EIF2B3: variants seen among roughly 807,000 people sequenced by gnomAD.
The protein encoded by EIF2B3 is translation initiation factor eIF2B subunit gamma.
A neutral mutation model predicts 54.1 loss-of-function variants in EIF2B3; 20 were observed. The ratio of observed to expected loss-of-function variants is 0.37; its 90% CI spans 0.26 to 0.54. The LOEUF is 0.54. Ranked by LOEUF, EIF2B3 falls within the 20% of genes least tolerant of loss-of-function variation. The pLI is 0.86. For missense variants in EIF2B3, 448 were observed against 547.8 expected (o/e 0.82, Z 1.82); for synonymous variants, 153 against 188.1 (o/e 0.81, Z 1.52).
At chr1:44,874,496 G>A in intron 10 of EIF2B3, 182 bp downstream of exon 10, 1 of 654,902 alleles carries the variant, frequency 1.5e-6, no homozygotes, top group Non-Finnish European at 2.5e-6. Flanking sequence ...CCATTTTAGA[G>A]GAATAAATTT....
intron 3 of EIF2B3, among the ~76,000 whole-genome samples, chr1:44,952,404 T>C (rs1256610735): frequency 6.6e-6 from 1 of 152,030 alleles, no homozygotes; most frequent in Non-Finnish European, 1.5e-5. Context: ...CTGGCCCTAC[T>C]GACTCTTAAC....
chr1:44,940,947 C>CCAGGCTGGTCTCAAACTCCTGACCTT, intron 4 of EIF2B3, among the ~76,000 whole-genome samples: 1 of 151,180 alleles, frequency 6.6e-6, no homozygotes, highest in Non-Finnish European at 1.5e-5. Flanking sequence ...AGTGCAGTGG[C>CCAGGCTGGTCTCAAACTCCTGACCTT]GTGATCTCGG....
intron 3 of EIF2B3, among the ~76,000 whole-genome samples, chr1:44,946,916 T>C (rs1454787888): frequency 6.6e-6 from 1 of 152,218 alleles, no homozygotes; most frequent in Non-Finnish European, 1.5e-5. Flanking sequence ...GAAGTATTTT[T>C]GATCATGTGT....
chr1:44,889,100 T>C (rs910090742), intron 6 of EIF2B3, among the ~76,000 whole-genome samples: 1 of 152,216 alleles, frequency 6.6e-6, no homozygotes, highest in Non-Finnish European at 1.5e-5. Context: ...TTACTGTTAG[T>C]TGATTATCTT....
intron 5 of EIF2B3, among the ~76,000 whole-genome samples, chr1:44,904,285 C>A (rs1643371299): frequency 6.6e-6 from 1 of 152,164 alleles, no homozygotes; most frequent in Non-Finnish European, 1.5e-5. Context: ...ACAGGCTTCT[C>A]TTTGCATGAA....
chr1:44,976,223 G>A (rs764672468), intron 3 of EIF2B3, among the ~76,000 whole-genome samples: 35 of 152,074 alleles, frequency 2.3e-4, no homozygotes, highest in Non-Finnish European at 4.1e-4. Flanking sequence ...ACTTGCATCT[G>A]GACTATATTA....
At chr1:44,932,140 C>A (rs897947582) in intron 4 of EIF2B3, among the ~76,000 whole-genome samples, 3 of 151,804 alleles carry the variant, frequency 2.0e-5, no homozygotes, top group Non-Finnish European at 2.9e-5. Context: ...CACACACACA[C>A]CCCTATAGTA....
At chr1:44,951,132 A>C in intron 3 of EIF2B3, among the ~76,000 whole-genome samples, 1 of 152,218 alleles carries the variant, frequency 6.6e-6, no homozygotes, top group African/African-American at 2.4e-5. Context: ...TTCTCGCCTT[A>C]GTCACTCAAC....
At chr1:44,910,250 G>A (rs1643485673) in intron 5 of EIF2B3, among the ~76,000 whole-genome samples, 1 of 152,110 alleles carries the variant, frequency 6.6e-6, no homozygotes, top group Non-Finnish European at 1.5e-5. Flanking sequence ...GACCAACTAA[G>A]CCAATTTCAG....
intron 5 of EIF2B3, among the ~76,000 whole-genome samples, chr1:44,913,249 CAA>C (rs961035811): frequency 3.3e-5 from 5 of 150,504 alleles, no homozygotes; most frequent in Admixed American, 6.6e-5. Context: ...TTCTGAAATA[CAA>C]AAAAACTCCC....
intron 3 of EIF2B3, among the ~76,000 whole-genome samples, chr1:44,953,270 A>G (rs1220253054): frequency 1.3e-5 from 2 of 151,930 alleles, no homozygotes; most frequent in Non-Finnish European, 2.9e-5. Context: ...AAAAGAAAAA[A>G]AAAAGAACCA....
chr1:44,977,922 T>A (rs1172176813), intron 3 of EIF2B3, among the ~76,000 whole-genome samples: 1 of 152,150 alleles, frequency 6.6e-6, no homozygotes, highest in Non-Finnish European at 1.5e-5. Flanking sequence ...TAAAAATATA[T>A]CAGAAATAAA....
intron 5 of EIF2B3, among the ~76,000 whole-genome samples, chr1:44,914,352 G>A (rs923688599): frequency 1.3e-5 from 2 of 151,416 alleles, no homozygotes; most frequent in African/African-American, 4.9e-5. Context: ...AGTAGAAATG[G>A]GTTTCACTGT....
intron 3 of EIF2B3, chr1:44,970,061 G>C (rs1049934948): frequency 6.6e-6 from 1 of 152,088 alleles, no homozygotes; most frequent in Admixed American, 6.6e-5. Context: ...TAAAAAGTGA[G>C]AACCAGTAAA....
At chr1:44,907,890 CAAAAAA>C (rs71587071) in intron 5 of EIF2B3, among the ~76,000 whole-genome samples, 2 of 47,068 alleles carry the variant, frequency 4.2e-5, no homozygotes, top group African/African-American at 1.4e-4. Flanking sequence ...AACTCCATCT[CAAAAAA>C]AAAAAAAAAA....
Position 44,968,694 on chromosome 1 carries a change from C to T in EIF2B3, c.294+9621G>A, listed in dbSNP as rs557617514. 2.6e-5 allele frequency among the ~76,000 whole-genome samples: 4 copies of T among 152,020 alleles called. No individual in the cohort carries two copies. The South Asian group carries it at 6.2e-4, about 24-fold the overall frequency. The stretch of plus-strand genomic sequence containing the variant: ...CGGGCGGATCATGAGGTCAGGAGTT[C>T]GAGACCAGCCTGGCCAACATGGTGA... On this transcript the variant is annotated intron_variant, in intron 3 of 11. Transcript: ENST00000360403.
At chr1:44,887,621 A>G (rs1258454143) in intron 6 of EIF2B3, among the ~76,000 whole-genome samples, 4 of 152,230 alleles carry the variant, frequency 2.6e-5, no homozygotes, top group Admixed American at 6.5e-5. Context: ...ACGCTTCTAA[A>G]AAGATTTCAA....
intron 5 of EIF2B3, among the ~76,000 whole-genome samples, chr1:44,905,036 C>A (rs928148064): frequency 2.0e-5 from 3 of 152,152 alleles, no homozygotes; most frequent in Admixed American, 1.3e-4. Context: ...GGGGCAAGCA[C>A]CTGTGGTGTG....
At chr1:44,865,216 T>TAAAAAAAAAAAAAAAA (rs57763807) in intron 10 of EIF2B3, among the ~76,000 whole-genome samples, 3 of 140,096 alleles carry the variant, frequency 2.1e-5, no homozygotes, top group Non-Finnish European at 3.1e-5. Context: ...GACTCCATCT[T>TAAAAAAAAAAAAAAAA]AAAAAAAAAA....
Sources: gnomAD v4.1 joint callset for allele counts (sites outside exome capture counted in the v4.1 genomes callset) on GRCh38, gnomAD v4.1.1 for gene constraint, MANE v1.5 for transcripts, NCBI Gene and HGNC (gene_info 2026-07-23, HGNC 2026-07-21) for gene names.